Variants in PDZRN3 observed in about 807,000 individuals in gnomAD.
PDZRN3 encodes the protein E3 ubiquitin-protein ligase PDZRN3.
In PDZRN3, 38 loss-of-function variants were observed where a neutral mutation model predicts 85.7. The ratio of observed to expected loss-of-function variants is 0.44; its 90% CI spans 0.34 to 0.58. The LOEUF is 0.58. Among genes scored for constraint, PDZRN3 ranks in the 20% least tolerant of loss-of-function variants. The probability of loss-of-function intolerance (pLI) is 0.01; values close to 1 mark genes in which losing one functional copy is unlikely to be tolerated. For missense variants in PDZRN3, 1,629 were observed against 1,506.4 expected (o/e 1.08, Z -1.35); for synonymous variants, 759 against 638.0 (o/e 1.19, Z -2.86).
At chr3:73,605,880 T>C (rs1210201183) in intron 2 of PDZRN3, among the ~76,000 whole-genome samples, 1 of 152,222 alleles carries the variant, frequency 6.6e-6, no homozygotes, top group East Asian at 1.9e-4. Context: ...AAAATACTAA[T>C]GCAAGCTACA....
At chr3:73,563,017 T>TA (rs1701866050) in intron 3 of PDZRN3, among the ~76,000 whole-genome samples, 1 of 23,822 alleles carries the variant, frequency 4.2e-5, no homozygotes, top group Non-Finnish European at 7.8e-5. Flanking sequence ...ATATATATTT[T>TA]TTTTTTTTTT....
intron 5 of PDZRN3, among the ~76,000 whole-genome samples, chr3:73,392,337 A>G (rs1701545552): frequency 6.6e-6 from 1 of 152,248 alleles, no homozygotes; most frequent in Non-Finnish European, 1.5e-5. Context: ...GAACCCATCA[A>G]AAGGTTTTAA....
chr3:73,417,489 G>C (rs1285326849), intron 3 of PDZRN3, among the ~76,000 whole-genome samples: 3 of 152,176 alleles, frequency 2.0e-5, no homozygotes, highest in Non-Finnish European at 4.4e-5. Context: ...TTCACATACA[G>C]AATTAAAGCA....
intron 3 of PDZRN3, among the ~76,000 whole-genome samples, chr3:73,599,586 T>C (rs138871467): frequency 3.9e-4 from 60 of 152,374 alleles, no homozygotes; most frequent in African/African-American, 1.3e-3. Context: ...TTCTGTTATG[T>C]ATATTTTGCC....
At chr3:73,571,463 A>G (rs1575744528) in intron 3 of PDZRN3, among the ~76,000 whole-genome samples, 1 of 152,214 alleles carries the variant, frequency 6.6e-6, no homozygotes, top group East Asian at 1.9e-4. Flanking sequence ...ATATTAGCAG[A>G]AGACACATTC....
rs558950337 is a variant in PDZRN3 at position 73,453,370 on chromosome 3, C to G, written c.919-48975G>C. 2.4e-5 allele frequency among the ~76,000 whole-genome samples: 3 copies of G among 126,978 alleles called. No homozygotes were observed. In the Admixed American group the frequency reaches 2.8e-4, roughly 12 times the overall value. 83.3% of individuals were successfully genotyped at this position (126,978 alleles called of 152,430 possible). A position where few individuals can be genotyped will look rare whatever the true frequency, so the allele number is the denominator to read the frequency against. ...GCAGTGAGCCGAGATCTAGCCACTGCACTCTAGCCTAGAGACAGAGTGAGA... is the reference window on the plus strand; with the variant it reads ...GCAGTGAGCCGAGATCTAGCCACTGGACTCTAGCCTAGAGACAGAGTGAGA... On this transcript the variant is annotated intron_variant, in intron 3 of 9. Transcript: ENST00000263666.
rs767482990 is a variant in PDZRN3, at chr3:73,384,144, G to A, written c.2422C>T (p.Leu808=). 1 of 1,614,000 alleles carries A rather than the reference G, an allele frequency of 6.2e-7. No individual in the cohort carries two copies. Among genetic ancestry groups the A allele is most frequent in the Non-Finnish European group, 8.5e-7 (1 of 1,180,046 alleles). ...TCGGGATCTTCCGTGATGGAGAGCAGATTCTTGGAGGCTGGCCCGTAGGCT... is the reference window on the plus strand; with the variant it reads ...TCGGGATCTTCCGTGATGGAGAGCAAATTCTTGGAGGCTGGCCCGTAGGCT... ...TEAYGPASKN[L]LSITEDPEVG... The change falls in exon 10 of 10, where the codon CTG becomes TTG. Residue 808 remains leucine, a synonymous_variant. Coordinates refer to ENST00000263666, the MANE Select transcript of PDZRN3 (RefSeq NM_015009.3).
chr3:73,565,482 C>T lies in PDZRN3; in HGVS notation c.918+36872G>A, dbSNP rs962160912. Among the ~76,000 whole-genome samples, 5 of 152,164 alleles carry T rather than the reference C, an allele frequency of 3.3e-5. No homozygotes were observed. In the East Asian group the frequency reaches 9.7e-4, roughly 29 times the overall value. On this transcript the variant is annotated intron_variant, in intron 3 of 9. Transcript: ENST00000263666. ...CAAGTCACTTAATCTCTTTAGGCCT[C>T]ATCTGAAAAGGAGAGAAGGTTGGAT... is the stretch of plus-strand genomic sequence containing the variant.
intron 3 of PDZRN3, among the ~76,000 whole-genome samples, chr3:73,592,888 C>G (rs1331675827): frequency 6.6e-6 from 1 of 152,142 alleles, no homozygotes; most frequent in Non-Finnish European, 1.5e-5. Context: ...TCATAGCACC[C>G]TGGTCTATAG....
chr3:73,623,373 G>C (rs559362256), intron 1 of PDZRN3, among the ~76,000 whole-genome samples: 6 of 152,332 alleles, frequency 3.9e-5, no homozygotes, highest in African/African-American at 1.2e-4. Context: ...CTTTATACTT[G>C]TTGGGGGCAG....
chr3:73,398,772 GATTTAATA>G (rs1348958592), intron 5 of PDZRN3, among the ~76,000 whole-genome samples: 1 of 152,192 alleles, frequency 6.6e-6, no homozygotes, highest in Non-Finnish European at 1.5e-5. Context: ...TGAGCACCAG[GATTTAATA>G]AATAACACTG....
At chr3:73,444,362 T>A (rs1702708465) in intron 3 of PDZRN3, among the ~76,000 whole-genome samples, 1 of 152,224 alleles carries the variant, frequency 6.6e-6, no homozygotes, top group South Asian at 2.1e-4. Flanking sequence ...CCATCTGTCC[T>A]CCTACTCCTT....
intron 1 of PDZRN3, among the ~76,000 whole-genome samples, chr3:73,618,956 C>CT (rs1404371892): frequency 6.6e-6 from 1 of 152,178 alleles, no homozygotes; most frequent in Non-Finnish European, 1.5e-5. Context: ...GGTGAATACT[C>CT]TAACAGATAC....
At chr3:73,463,482 G>C (rs1324675645) in intron 3 of PDZRN3, among the ~76,000 whole-genome samples, 2 of 152,138 alleles carry the variant, frequency 1.3e-5, no homozygotes, top group African/African-American at 2.4e-5. Context: ...ACTTAGAAAA[G>C]GGTGTCTCCC....
intron 3 of PDZRN3, among the ~76,000 whole-genome samples, chr3:73,560,271 A>G (rs1424036182): frequency 6.6e-6 from 1 of 152,244 alleles, no homozygotes; most frequent in Non-Finnish European, 1.5e-5. Flanking sequence ...TTTGACTGTT[A>G]TAAGCATCTT....
rs747892554 is a variant in PDZRN3 at position 73,384,951 on chromosome 3, A to G, written c.1636-21T>C. On this transcript the variant is annotated intron_variant, in intron 9 of 9. Coordinates refer to ENST00000263666, the MANE Select transcript of PDZRN3 (RefSeq NM_015009.3). ...TTCTTCTGCATAAACACAAGAACAA[A>G]GGGTCACAGTGAGGGAGGCCTGCGC... 2.5e-6 allele frequency: 4 copies of G among 1,571,068 alleles called. No homozygotes were observed. In the East Asian group the frequency reaches 6.7e-5, roughly 26 times the overall value.
chr3:73,384,386 C>G lies in PDZRN3; in HGVS notation c.2180G>C (p.Arg727Pro), dbSNP rs142384269. Residue 727 changes from arginine (R) to proline (P), a missense_variant, in exon 10 of 10, where the codon CGC becomes CCC. Physicochemically the swap from Arg to Pro is moderately radical, Grantham distance 103. Coordinates refer to ENST00000263666, the MANE Select transcript of PDZRN3 (RefSeq NM_015009.3). ...CACGTCGATGCTGGTGTTGTAGTTG[C>G]GGAAGCCGCTGTTGTGCAGCATCCA... Reference protein sequence around the residue: ...ESWMLHNSGFRNYNTSIDVRR... With the variant: ...ESWMLHNSGFPNYNTSIDVRR... 4 of 1,609,054 alleles carry G rather than the reference C, an allele frequency of 2.5e-6. No homozygotes were observed. In the South Asian group the frequency reaches 3.3e-5, roughly 13 times the overall value.
At chr3:73,394,498 G>T (rs980327070) in intron 5 of PDZRN3, among the ~76,000 whole-genome samples, 1 of 152,148 alleles carries the variant, frequency 6.6e-6, no homozygotes, top group Non-Finnish European at 1.5e-5. Context: ...CACTCCAGGA[G>T]CAGTTTTCTA....
chr3:73,460,008 G>A (rs1353509211), intron 3 of PDZRN3, among the ~76,000 whole-genome samples: 4 of 152,200 alleles, frequency 2.6e-5, no homozygotes, highest in Non-Finnish European at 4.4e-5. Context: ...TGTGGAAGAT[G>A]ACAGAATCTG....
Sources: gnomAD v4.1 joint callset for allele counts (sites outside exome capture counted in the v4.1 genomes callset) on GRCh38, gnomAD v4.1.1 for gene constraint, MANE v1.5 for transcripts, NCBI Gene and HGNC (gene_info 2026-07-23, HGNC 2026-07-21) for gene names.